GALNT14: variants seen among roughly 807,000 people sequenced by gnomAD.
GALNT14 encodes UDP-GalNAc:polypeptide N-acetylgalactosaminyltransferase 14.
A neutral mutation model predicts 77.5 loss-of-function variants in GALNT14; 60 were observed. The ratio of observed to expected loss-of-function variants is 0.77; its 90% confidence interval spans 0.63 to 0.96. GALNT14 has a LOEUF of 0.96. GALNT14 is among the 40% of genes least tolerant of loss of function. The probability of loss-of-function intolerance (pLI) is 0.00; values close to 1 mark genes in which losing one functional copy is unlikely to be tolerated. For missense variants in GALNT14, 710 were observed against 731.0 expected (o/e 0.97, Z 0.33); for synonymous variants, 280 against 281.7 (o/e 0.99, Z 0.06).
intron 2 of GALNT14, among the ~76,000 whole-genome samples, chr2:30,985,915 G>T (rs1481291029): frequency 2.0e-5 from 3 of 152,116 alleles, no homozygotes; most frequent in African/African-American, 4.8e-5. Flanking sequence ...TTTATGCTTT[G>T]CCATTCCAGC....
At position 30,992,876 on chromosome 2, in the gene GALNT14, G is replaced by A. The variant is rs1258968064; in HGVS notation, c.261C>T (p.Ile87=). 1.2e-6 allele frequency: 2 copies of A among 1,614,202 alleles called. No homozygotes were observed. Among genetic ancestry groups the A allele is most frequent in the Admixed American group, 1.7e-5 (1 of 60,022 alleles). ...YAFNQRESER[I]SSNRAIPDTR... is the part of the protein sequence containing the mutation. ...TGTCCGGGATGGCCCGATTGCTGGA[G>A]ATCCGCTCACTCTCCCGCTGGTTGA... Residue 87 remains isoleucine, a synonymous_variant, in exon 2 of 15, where the codon ATC becomes ATT. Transcript: ENST00000349752.
At chr2:30,915,443 TC>T (rs1181795066) in intron 13 of GALNT14, among the ~76,000 whole-genome samples, 1 of 152,112 alleles carries the variant, frequency 6.6e-6, no homozygotes, top group Non-Finnish European at 1.5e-5. Context: ...CCTCGTCATG[TC>T]CCAGAGGAAG....
intron 13 of GALNT14, among the ~76,000 whole-genome samples, chr2:30,913,041 G>T (rs1313858176): frequency 6.6e-6 from 1 of 152,112 alleles, no homozygotes; most frequent in African/African-American, 2.4e-5. Flanking sequence ...AGTTCTGTTG[G>T]CATCAGGAAG....
intron 2 of GALNT14, among the ~76,000 whole-genome samples, chr2:30,981,257 G>A (rs974710267): frequency 1.3e-5 from 2 of 152,218 alleles, no homozygotes; most frequent in Admixed American, 1.3e-4. Flanking sequence ...GGGGGCAAAT[G>A]GTAATGGAAC....
intron 1 of GALNT14, among the ~76,000 whole-genome samples, chr2:31,085,114 C>G (rs926882202): frequency 6.6e-6 from 1 of 152,124 alleles, no homozygotes; most frequent in Non-Finnish European, 1.5e-5. Flanking sequence ...CATTCAAGCA[C>G]ATTTGCTAAG....
At chr2:31,030,771 G>A (rs1265937861) in intron 1 of GALNT14, among the ~76,000 whole-genome samples, 1 of 152,172 alleles carries the variant, frequency 6.6e-6, no homozygotes, top group Admixed American at 6.5e-5. Context: ...TAGGCTTCCA[G>A]CCCCTGGAAT....
chr2:31,101,847 G>T (rs1677293312), intron 1 of GALNT14, among the ~76,000 whole-genome samples: 1 of 152,138 alleles, frequency 6.6e-6, no homozygotes, highest in South Asian at 2.1e-4. Context: ...GAGTCATAGT[G>T]GTGGTTTCCC....
At chr2:31,075,234 C>G (rs1675688095) in intron 1 of GALNT14, among the ~76,000 whole-genome samples, 1 of 152,206 alleles carries the variant, frequency 6.6e-6, no homozygotes, top group Admixed American at 6.5e-5. Context: ...TTCCTGAGGT[C>G]CTCGCCTGAA....
At chr2:30,958,572 A>G (rs1667503630) in intron 3 of GALNT14, 108 bp from the exon 4 acceptor site, 4 of 818,880 alleles carry the variant, frequency 4.9e-6, no homozygotes, top group Non-Finnish European at 8.2e-6. Flanking sequence ...GAAAAATCAG[A>G]GCACCAACGG....
At chr2:31,007,185 T>C (rs1670729308) in intron 1 of GALNT14, among the ~76,000 whole-genome samples, 1 of 152,194 alleles carries the variant, frequency 6.6e-6, no homozygotes, top group South Asian at 2.1e-4. Flanking sequence ...GCAGGATGGC[T>C]GCCTCAACCA....
chr2:30,888,707 G>A, the GALNT14 span, among the ~76,000 whole-genome samples: 2 of 152,088 alleles, frequency 1.3e-5, no homozygotes, highest in Non-Finnish European at 2.9e-5. Context: ...AATGGCCATT[G>A]GCAGGCAACT....
At chr2:30,895,365 G>A in the GALNT14 span, among the ~76,000 whole-genome samples, 3 of 152,132 alleles carry the variant, frequency 2.0e-5, no homozygotes, top group East Asian at 1.9e-4. Flanking sequence ...AGAAGGACAC[G>A]GAGACACAAA....
At chr2:31,107,800 C>T (rs1232366092) in intron 1 of GALNT14, among the ~76,000 whole-genome samples, 2 of 152,112 alleles carry the variant, frequency 1.3e-5, no homozygotes, top group East Asian at 1.9e-4. Flanking sequence ...GTTTCCTAAA[C>T]GTCAAGCAAC....
intron 2 of GALNT14, among the ~76,000 whole-genome samples, chr2:30,978,841 T>C (rs536207792): frequency 2.0e-5 from 3 of 152,102 alleles, no homozygotes; most frequent in Admixed American, 1.3e-4. Context: ...GGAAGGGTGA[T>C]AGACAGTAAG....
At chr2:31,043,591 G>A (rs1673237671) in intron 1 of GALNT14, among the ~76,000 whole-genome samples, 1 of 152,098 alleles carries the variant, frequency 6.6e-6, no homozygotes, top group African/African-American at 2.4e-5. Context: ...GTCTGGCTGT[G>A]GGGCTCCAGA....
Position 31,078,786 on chromosome 2 carries a change from T to A in GALNT14, c.129+59172A>T, listed in dbSNP as rs1335869537. On this transcript the variant is annotated intron_variant, in intron 1 of 14. Coordinates refer to ENST00000349752, the MANE Select transcript of GALNT14 (RefSeq NM_024572.4). ...CTGAAAAGCAGGCAAGCAGGCAGCA[T>A]CCGAGAACAGCACAGGCACACAAGA... The A allele has an allele frequency of 7.8e-6, 4 of 515,622 alleles. No individual in the cohort carries two copies. The East Asian group carries it at 3.1e-4, about 40-fold the overall frequency. The allele number at this position is 515,622 out of a possible 1,614,324, so 31.9% of individuals were successfully genotyped here. A position where few individuals can be genotyped will look rare whatever the true frequency, so the allele number is the denominator to read the frequency against.
intron 1 of GALNT14, among the ~76,000 whole-genome samples, chr2:31,115,732 A>G (rs1489995740): frequency 6.6e-6 from 1 of 152,214 alleles, no homozygotes; most frequent in Non-Finnish European, 1.5e-5. Context: ...TGCAAGTGTA[A>G]GGAAGAAAAA....
intron 2 of GALNT14, among the ~76,000 whole-genome samples, chr2:30,977,343 G>C (rs78892041): frequency 6.6e-6 from 1 of 152,042 alleles, no homozygotes; most frequent in Non-Finnish European, 1.5e-5. Flanking sequence ...CGCCCACCAG[G>C]TCCTCCCAAA....
intron 1 of GALNT14, among the ~76,000 whole-genome samples, chr2:31,050,739 T>C (rs1198161918): frequency 2.6e-5 from 4 of 151,378 alleles, no homozygotes; most frequent in Non-Finnish European, 5.9e-5. Flanking sequence ...AACGTCTCTA[T>C]AACTCTAAAA....
Sources: allele counts gnomAD v4.1 joint callset (sites outside exome capture counted in the v4.1 genomes callset), GRCh38; gene constraint gnomAD v4.1.1; transcripts MANE v1.5; gene names NCBI Gene and HGNC (gene_info 2026-07-23, HGNC 2026-07-21).